The following PPARGC1A variants were observed in gnomAD, a reference collection of about 807,000 sequenced individuals.
PPARGC1A encodes the protein peroxisome proliferator-activated receptor gamma coactivator 1-alpha.
Under a neutral mutation model 88.7 loss-of-function variants are expected in PPARGC1A, and 25 were observed. The observed-to-expected ratio is 0.28, with a 90% CI of 0.21 to 0.39. The LOEUF (loss-of-function observed/expected upper bound fraction) is 0.39. Ranked by LOEUF, PPARGC1A falls within the 10% of genes least tolerant of loss-of-function variation. The pLI, the probability that PPARGC1A is intolerant of heterozygous loss-of-function variation, is 1.00. For synonymous variants in PPARGC1A, 363 were observed against 355.6 expected, an observed-to-expected ratio of 1.02 and a Z score of -0.24; for missense variants, 880 against 968.7, an observed-to-expected ratio of 0.91 and a Z score of 1.22.
chr4:24,058,270 C>A, the PPARGC1A span, among the ~76,000 whole-genome samples: 1 of 152,144 alleles, frequency 6.6e-6, no homozygotes, highest in Non-Finnish European at 1.5e-5. Flanking sequence ...AATAAACCTC[C>A]AAGAACAAAA....
chr4:23,865,281 C>T (rs1162853433), intron 2 of PPARGC1A, among the ~76,000 whole-genome samples: 5 of 152,260 alleles, frequency 3.3e-5, no homozygotes, highest in East Asian at 3.9e-4. Flanking sequence ...GACTGGCCAG[C>T]GTTTCTGAGG....
chr4:24,332,348 G>C, the PPARGC1A span, among the ~76,000 whole-genome samples: 10 of 152,084 alleles, frequency 6.6e-5, no homozygotes, highest in Non-Finnish European at 1.2e-4. Context: ...GGCCAAGCAG[G>C]CTTAGTACGA....
chr4:24,330,165 T>A, the PPARGC1A span, among the ~76,000 whole-genome samples: 1 of 152,190 alleles, frequency 6.6e-6, no homozygotes, highest in African/African-American at 2.4e-5. Context: ...ATGCATAAAT[T>A]CTTTGACATT....
the PPARGC1A span, among the ~76,000 whole-genome samples, chr4:23,990,229 T>C: frequency 5.7e-3 from 860 of 150,140 alleles, 12 homozygotes; most frequent in African/African-American, 0.02. Context: ...TGATAATGGA[T>C]AATAATAACA....
chr4:23,824,211 T>C (rs923479507), intron 7 of PPARGC1A, 69 bp downstream of exon 7: 1 of 1,337,576 alleles, frequency 7.5e-7, no homozygotes. Context: ...GTACACTCTG[T>C]TATCTTATTA....
the PPARGC1A span, among the ~76,000 whole-genome samples, chr4:24,043,936 A>G: frequency 6.6e-6 from 1 of 152,194 alleles, no homozygotes; most frequent in African/African-American, 2.4e-5. Context: ...ATTTGAAAGA[A>G]ACCACCTGTC....
the PPARGC1A span, among the ~76,000 whole-genome samples, chr4:24,443,381 C>T: frequency 2.6e-5 from 4 of 151,762 alleles, no homozygotes; most frequent in Middle Eastern, 3.4e-3. Context: ...CACACCTGAA[C>T]ACCAGGAAAC....
the PPARGC1A span, among the ~76,000 whole-genome samples, chr4:23,998,481 T>G: frequency 6.6e-6 from 1 of 152,144 alleles, no homozygotes; most frequent in Non-Finnish European, 1.5e-5. Context: ...CTGTACAATG[T>G]CAGGATAAAG....
intron 12 of PPARGC1A, among the ~76,000 whole-genome samples, chr4:23,798,079 GAAC>G (rs60025606): frequency 6.5e-4 from 99 of 151,914 alleles, no homozygotes; most frequent in South Asian, 3.8e-3. Context: ...GCCCACCAGA[GAAC>G]AACCCCCCTT....
chr4:24,220,975 A>C, the PPARGC1A span, among the ~76,000 whole-genome samples: 1 of 152,126 alleles, frequency 6.6e-6, no homozygotes, highest in African/African-American at 2.4e-5. Flanking sequence ...CTCATCCCGT[A>C]ACAAGATGGT....
chr4:23,934,589 G>A, the PPARGC1A span, among the ~76,000 whole-genome samples: 1 of 152,116 alleles, frequency 6.6e-6, no homozygotes, highest in Non-Finnish European at 1.5e-5. Context: ...TGCTGATAAT[G>A]GTGTCTGAGA....
At chr4:23,971,417 AG>A in the PPARGC1A span, among the ~76,000 whole-genome samples, 9 of 152,210 alleles carry the variant, frequency 5.9e-5, no homozygotes, top group African/African-American at 2.2e-4. Context: ...CACAACTAAT[AG>A]GACAGAAAAA....
At chr4:24,410,673 A>C in the PPARGC1A span, among the ~76,000 whole-genome samples, 2 of 152,192 alleles carry the variant, frequency 1.3e-5, no homozygotes, top group African/African-American at 4.8e-5. Context: ...AGCTGCCAGC[A>C]CAGCTAGAAT....
chr4:24,463,912 G>A, the PPARGC1A span, among the ~76,000 whole-genome samples: 1 of 152,086 alleles, frequency 6.6e-6, no homozygotes, highest in Non-Finnish European at 1.5e-5. Context: ...TTCTTTCTTT[G>A]GAACCTGACA....
At chr4:23,831,856 G>C in intron 2 of PPARGC1A, 105 bp from the exon 3 acceptor site, 1 of 880,672 alleles carries the variant, frequency 1.1e-6, no homozygotes, top group Non-Finnish European at 1.8e-6. Context: ...GTGAAATCTA[G>C]AATGCCCATT....
the PPARGC1A span, among the ~76,000 whole-genome samples, chr4:24,303,273 G>C: frequency 7.2e-5 from 11 of 152,316 alleles, no homozygotes; most frequent in East Asian, 2.1e-3. Flanking sequence ...AAAAATATGA[G>C]TCTAAATGGA....
At chr4:23,894,536 T>C (rs1329421508), upstream of PPARGC1A, among the ~76,000 whole-genome samples, 1 of 151,958 alleles carries the variant, frequency 6.6e-6, no homozygotes, top group Non-Finnish European at 1.5e-5. Flanking sequence ...TCAAGACAGC[T>C]TGAATGTCTC....
the PPARGC1A span, among the ~76,000 whole-genome samples, chr4:23,973,180 A>G: frequency 2.0e-5 from 3 of 151,468 alleles, no homozygotes; most frequent in Non-Finnish European, 4.4e-5. Context: ...GGGCAGGAAG[A>G]AGAAGGAAGA....
the PPARGC1A span, among the ~76,000 whole-genome samples, chr4:24,207,210 T>C: frequency 6.6e-6 from 1 of 152,150 alleles, no homozygotes. Context: ...GGTTACTCAA[T>C]GGAGTTGAAA....
Sources: allele counts gnomAD v4.1 joint callset (sites outside exome capture counted in the v4.1 genomes callset), GRCh38; gene constraint gnomAD v4.1.1; transcripts MANE v1.5; gene names NCBI Gene and HGNC (gene_info 2026-07-23, HGNC 2026-07-21).